GSTO1: variants seen among roughly 807,000 people sequenced by gnomAD.
The protein encoded by GSTO1 is glutathione S-transferase omega-1.
In GSTO1, 27 loss-of-function variants were observed where a neutral mutation model predicts 23.8. The observed-to-expected ratio is 1.13, with a 90% CI of 0.83 to 1.56. GSTO1 has a LOEUF of 1.56. Among genes scored for constraint, GSTO1 ranks in the 40% most tolerant of loss-of-function variants. GSTO1 has a pLI of 0.00. For synonymous variants in GSTO1, 105 were observed against 109.3 expected (o/e 0.96, Z 0.25); for missense variants, 255 against 285.8 (o/e 0.89, Z 0.78).
intron 3 of GSTO1, among the ~76,000 whole-genome samples, chr10:104,260,786 C>T (rs1003116832): frequency 3.9e-5 from 6 of 152,076 alleles, no homozygotes; most frequent in Non-Finnish European, 2.9e-5. Flanking sequence ...ATAGGGAAAA[C>T]ATTCTGTTTT....
chr10:104,260,047 C>T (rs74154767), intron 3 of GSTO1, among the ~76,000 whole-genome samples: 11,224 of 152,210 alleles, frequency 0.074, 1,387 homozygotes, highest in African/African-American at 0.26. Context: ...TTCCCAAATT[C>T]GCCCCTTTCT....
intron 5 of GSTO1, among the ~76,000 whole-genome samples, chr10:104,266,893 A>G (rs944875435): frequency 6.6e-6 from 1 of 152,148 alleles, no homozygotes; most frequent in African/African-American, 2.4e-5. Context: ...GGCTTCTTGG[A>G]CGATAGAGCT....
chr10:104,259,067 G>A (rs12256999), intron 2 of GSTO1, among the ~76,000 whole-genome samples: 11,255 of 152,242 alleles, frequency 0.074, 1,402 homozygotes, highest in African/African-American at 0.26. Context: ...AAATGGTACA[G>A]CTGCTATGGA....
At chr10:104,264,862 T>C (rs973815772) in intron 4 of GSTO1, among the ~76,000 whole-genome samples, 1 of 152,212 alleles carries the variant, frequency 6.6e-6, no homozygotes, top group Non-Finnish European at 1.5e-5. Flanking sequence ...GAATATCTCA[T>C]ATAATTTATC....
At chr10:104,265,728 T>C (rs1025059603) in intron 4 of GSTO1, among the ~76,000 whole-genome samples, 1 of 152,254 alleles carries the variant, frequency 6.6e-6, no homozygotes, top group Non-Finnish European at 1.5e-5. Context: ...GACATCATCT[T>C]TCTTGAAGAT....
intron 2 of GSTO1, among the ~76,000 whole-genome samples, chr10:104,255,564 C>T (rs2091599252): frequency 6.6e-6 from 1 of 152,234 alleles, no homozygotes; most frequent in Non-Finnish European, 1.5e-5. Flanking sequence ...TAACCGGCAG[C>T]AGCTCTTTTA....
intron 2 of GSTO1, 108 bp from the exon 3 acceptor site, chr10:104,259,468 C>T: frequency 3.1e-6 from 2 of 652,504 alleles, no homozygotes; most frequent in South Asian, 3.8e-5. Flanking sequence ...TAGGCAGACT[C>T]CTAAATTTGG....
intron 1 of GSTO1, 74 bp downstream of exon 1, chr10:104,255,036 C>A: frequency 6.7e-7 from 1 of 1,495,218 alleles, no homozygotes; most frequent in South Asian, 1.2e-5. Context: ...GCTCCGGGAG[C>A]CCAGCCGCCC....
chr10:104,265,898 T>C (rs536333824), intron 4 of GSTO1, among the ~76,000 whole-genome samples, 186 bp from the exon 5 acceptor site: 55 of 152,344 alleles, frequency 3.6e-4, no homozygotes, highest in African/African-American at 1.3e-3. Flanking sequence ...GTTGATTGTT[T>C]TACTTCATCC....
intron 4 of GSTO1, among the ~76,000 whole-genome samples, chr10:104,264,961 AAG>A (rs1232146649): frequency 6.6e-6 from 1 of 152,246 alleles, no homozygotes; most frequent in Admixed American, 6.5e-5. Flanking sequence ...GCCCAGCATC[AAG>A]AGTTATCATA....
chr10:104,262,951 A>ATAGTT (rs1396596946), intron 3 of GSTO1, 28 bp from the exon 4 acceptor site: 1 of 995,904 alleles, frequency 1.0e-6, no homozygotes, highest in African/African-American at 1.6e-5. Context: ...CCATAAACTG[A>ATAGTT]TAAACTAAGA....
In GSTO1 at chr10:104,259,753, C is replaced by G; in HGVS notation, c.321C>G (p.Pro107=). 1.2e-6 allele frequency: 2 copies of G among 1,613,826 alleles called. No individual in the cohort carries two copies. Among genetic ancestry groups the G allele is most frequent in the Non-Finnish European group, 1.7e-6 (2 of 1,179,730 alleles). ...YPGKKLLPDD[P]YEKACQKMIL... ...GGAAGAAGCTGTTGCCGGATGACCCCTATGAGAAAGCTTGCCAGAAGATGA... is the reference window on the plus strand; with the variant it reads ...GGAAGAAGCTGTTGCCGGATGACCCGTATGAGAAAGCTTGCCAGAAGATGA... The change falls in exon 3 of 6, where the codon CCC becomes CCG. Residue 107 remains proline, a synonymous_variant. Coordinates refer to ENST00000369713, the MANE Select transcript of GSTO1 (RefSeq NM_004832.3).
At chr10:104,266,632 G>A (rs2011189258) in intron 5 of GSTO1, among the ~76,000 whole-genome samples, 1 of 152,008 alleles carries the variant, frequency 6.6e-6, no homozygotes, top group South Asian at 2.1e-4. Context: ...AGCTACTCGG[G>A]AGGCTGAGGC....
intron 4 of GSTO1, among the ~76,000 whole-genome samples, chr10:104,264,388 C>G (rs1202181724): frequency 6.6e-6 from 1 of 151,814 alleles, no homozygotes; most frequent in Non-Finnish European, 1.5e-5. Flanking sequence ...AGACAGAACA[C>G]AGTAGGTAGA....
At chr10:104,254,698 C>T, upstream of GSTO1, 1 of 599,002 alleles carries the variant, frequency 1.7e-6, no homozygotes, top group Non-Finnish European at 3.0e-6. Context: ...GTGTATCTCC[C>T]CGTGGGTGCA....
Position 104,259,725 on chromosome 10 carries a change from C to A in GSTO1, c.293C>A (p.Pro98Gln). The change falls in exon 3 of 6, where the codon CCA becomes CAA. Residue 98 changes from proline (P) to glutamine (Q), a missense_variant. By Grantham distance (76) the Pro-to-Gln change is moderately conservative. Coordinates refer to ENST00000369713, the MANE Select transcript of GSTO1 (RefSeq NM_004832.3). ...ITCEYLDEAY[P>Q]GKKLLPDDPY... The stretch of plus-strand genomic sequence containing the variant: ...TGTGAGTACCTGGATGAAGCATACC[C>A]AGGGAAGAAGCTGTTGCCGGATGAC... 3 of 1,613,778 alleles carry A rather than the reference C, an allele frequency of 1.9e-6. No homozygotes were observed. The highest frequency in any genetic ancestry group is 2.5e-6 in the Non-Finnish European group (3 of 1,179,684).
chr10:104,257,929 A>G (rs1339535795), intron 2 of GSTO1, among the ~76,000 whole-genome samples: 2 of 152,226 alleles, frequency 1.3e-5, no homozygotes, highest in Admixed American at 1.3e-4. Context: ...TATTTTCTTC[A>G]GAGCATTTAT....
intron 2 of GSTO1, among the ~76,000 whole-genome samples, 154 bp downstream of exon 2, chr10:104,255,425 T>C (rs541763695): frequency 3.3e-5 from 5 of 152,174 alleles, no homozygotes; most frequent in African/African-American, 1.2e-4. Flanking sequence ...AATAGCAAGT[T>C]ATAGGCCATT....
chr10:104,261,573 TA>T (rs1192373065), intron 3 of GSTO1, among the ~76,000 whole-genome samples: 4 of 152,066 alleles, frequency 2.6e-5, no homozygotes, highest in African/African-American at 9.7e-5. Flanking sequence ...ACTTAAGAAA[TA>T]AATTTTTAGA....
Sources: allele counts gnomAD v4.1 joint callset (sites outside exome capture counted in the v4.1 genomes callset), GRCh38; gene constraint gnomAD v4.1.1; transcripts MANE v1.5; gene names NCBI Gene and HGNC (gene_info 2026-07-23, HGNC 2026-07-21).